CACNA2D1: variants seen among roughly 807,000 people sequenced by gnomAD.
The protein encoded by CACNA2D1 is calcium voltage-gated channel auxiliary subunit alpha2delta 1, also known as voltage-dependent calcium channel subunit alpha-2/delta-1.
Under a neutral mutation model 171.5 loss-of-function variants are expected in CACNA2D1, and 53 were observed. The ratio of observed to expected loss-of-function variants is 0.31; its 90% CI spans 0.25 to 0.39. The LOEUF is 0.39. CACNA2D1 is among the 10% of genes least tolerant of loss of function. The pLI, the probability that CACNA2D1 is intolerant of heterozygous loss-of-function variation, is 1.00. For missense variants in CACNA2D1, 903 were observed against 1,299.8 expected, an observed-to-expected ratio of 0.69 and a Z score of 4.69; for synonymous variants, 442 against 443.1, an observed-to-expected ratio of 1.00 and a Z score of 0.03.
chr7:82,008,786 A>G (rs1799411562), intron 15 of CACNA2D1, among the ~76,000 whole-genome samples: 1 of 152,152 alleles, frequency 6.6e-6, no homozygotes, highest in Non-Finnish European at 1.5e-5. Flanking sequence ...CATTAAAAAT[A>G]TTTATTAATA....
intron 1 of CACNA2D1, among the ~76,000 whole-genome samples, chr7:82,427,945 T>C (rs1202195890): frequency 1.3e-5 from 2 of 152,006 alleles, no homozygotes; most frequent in Non-Finnish European, 2.9e-5. Flanking sequence ...TCCCAGCACT[T>C]TGGGAGGCTG....
chr7:82,217,764 T>G (rs118050574), intron 3 of CACNA2D1, among the ~76,000 whole-genome samples: 1 of 151,044 alleles, frequency 6.6e-6, no homozygotes, highest in African/African-American at 2.4e-5. Flanking sequence ...AGGGGTAAAA[T>G]ATACCACTAA....
chr7:82,406,244 AG>A (rs1368583165), intron 1 of CACNA2D1, among the ~76,000 whole-genome samples: 2 of 152,214 alleles, frequency 1.3e-5, no homozygotes, highest in African/African-American at 4.8e-5. Context: ...ATGGCTGCAT[AG>A]TATTCCATGG....
intron 1 of CACNA2D1, among the ~76,000 whole-genome samples, chr7:82,350,846 A>G (rs1022116205): frequency 2.0e-5 from 3 of 152,230 alleles, no homozygotes; most frequent in African/African-American, 7.2e-5. Flanking sequence ...TACAATTATG[A>G]TCGAAGGATT....
At chr7:82,395,796 A>G (rs1825695927) in intron 1 of CACNA2D1, among the ~76,000 whole-genome samples, 1 of 152,190 alleles carries the variant, frequency 6.6e-6, no homozygotes, top group African/African-American at 2.4e-5. Context: ...TATGCTAGAA[A>G]TATTTTCTAG....
intron 7 of CACNA2D1, among the ~76,000 whole-genome samples, chr7:82,074,959 C>T (rs1375202034): frequency 6.6e-6 from 1 of 151,992 alleles, no homozygotes; most frequent in East Asian, 1.9e-4. Context: ...GTCTGCTACA[C>T]CCATCAACCC....
intron 3 of CACNA2D1, among the ~76,000 whole-genome samples, chr7:82,216,556 T>A (rs769995546): frequency 6.6e-6 from 1 of 152,192 alleles, no homozygotes; most frequent in Non-Finnish European, 1.5e-5. Context: ...TATTTTATTA[T>A]AACTACTCCA....
At chr7:82,267,514 T>C (rs1808017783) in intron 3 of CACNA2D1, among the ~76,000 whole-genome samples, 1 of 152,222 alleles carries the variant, frequency 6.6e-6, no homozygotes, top group Non-Finnish European at 1.5e-5. Context: ...CCTAATTGTA[T>C]AATATGGTAT....
intron 1 of CACNA2D1, among the ~76,000 whole-genome samples, chr7:82,409,097 A>G (rs543817511): frequency 1.3e-4 from 20 of 151,770 alleles, no homozygotes; most frequent in Non-Finnish European, 2.2e-4. Context: ...AATATTAATT[A>G]TTTCTTTGGC....
chr7:81,952,899 A>C lies in CACNA2D1; in HGVS notation c.3160-2391T>G, dbSNP rs536069437. On this transcript the variant is annotated intron_variant, in intron 38 of 38. Coordinates refer to ENST00000356860, the MANE Select transcript of CACNA2D1 (RefSeq NM_000722.4). ...ATGTCTCATAGGGATTTCAAACTTG[A>C]CTTGCCTTGCCCCTAATATAATTCT... 4.6e-5 allele frequency among the ~76,000 whole-genome samples: 7 copies of C among 152,054 alleles called. No homozygotes were observed. The South Asian group carries it at 8.3e-4, about 18-fold the overall frequency.
At chr7:81,955,980 A>ATATATTTTT (rs58075516) in intron 38 of CACNA2D1, among the ~76,000 whole-genome samples, 1 of 34,546 alleles carries the variant, frequency 2.9e-5, no homozygotes, top group Admixed American at 5.3e-4. Context: ...ATATATATAT[A>ATATATTTTT]TTTTTTTTTT....
intron 3 of CACNA2D1, among the ~76,000 whole-genome samples, chr7:82,283,030 T>A (rs763293293): frequency 6.6e-5 from 10 of 152,196 alleles, no homozygotes; most frequent in Non-Finnish European, 1.3e-4. Flanking sequence ...CATTTAAACA[T>A]CTGAATCGAG....
At chr7:82,225,080 G>C (rs1311994667) in intron 3 of CACNA2D1, among the ~76,000 whole-genome samples, 1 of 151,982 alleles carries the variant, frequency 6.6e-6, no homozygotes, top group East Asian at 1.9e-4. Context: ...ACTTTGTTGA[G>C]AAAAAGGGTC....
chr7:82,266,063 C>T (rs769211924), intron 3 of CACNA2D1, among the ~76,000 whole-genome samples: 1 of 151,970 alleles, frequency 6.6e-6, no homozygotes, highest in Admixed American at 6.6e-5. Context: ...TATAATGTAC[C>T]ATTTCTTATA....
intron 3 of CACNA2D1, among the ~76,000 whole-genome samples, chr7:82,236,839 T>C (rs1307428919): frequency 6.6e-6 from 1 of 151,978 alleles, no homozygotes; most frequent in Non-Finnish European, 1.5e-5. Context: ...ATAAAACTAA[T>C]TTACCACCTA....
intron 3 of CACNA2D1, among the ~76,000 whole-genome samples, chr7:82,334,135 G>T (rs1357791381): frequency 6.6e-6 from 1 of 152,044 alleles, no homozygotes; most frequent in East Asian, 1.9e-4. Context: ...ACAAGCAGAG[G>T]TAACATTTAC....
intron 10 of CACNA2D1, chr7:82,050,284 A>G (rs1805037487): frequency 3.2e-6 from 1 of 315,430 alleles, no homozygotes; most frequent in Non-Finnish European, 5.9e-6. Flanking sequence ...TAAGCTAACA[A>G]GTAAGCCTCC....
intron 3 of CACNA2D1, among the ~76,000 whole-genome samples, chr7:82,233,215 A>G (rs775623559): frequency 6.6e-5 from 10 of 152,184 alleles, no homozygotes; most frequent in Admixed American, 2.6e-4. Flanking sequence ...TATTTCAAAC[A>G]TTATTTTATT....
At chr7:82,030,029 T>C (rs1361004784) in intron 12 of CACNA2D1, 2 of 151,826 alleles carry the variant, frequency 1.3e-5, no homozygotes, top group Non-Finnish European at 2.9e-5. Flanking sequence ...AAGTTGAATA[T>C]AACTTGATTT....
Sources: gnomAD v4.1 joint callset for allele counts (sites outside exome capture counted in the v4.1 genomes callset) on GRCh38, gnomAD v4.1.1 for gene constraint, MANE v1.5 for transcripts, NCBI Gene and HGNC (gene_info 2026-07-23, HGNC 2026-07-21) for gene names.